Variants in DRC11 observed in about 807,000 individuals in gnomAD.
DRC11 encodes IQ and AAA domain-containing protein 1.
chr2:236,378,518 C>CA, the DRC11 span, among the ~76,000 whole-genome samples: 3 of 151,746 alleles, frequency 2.0e-5, no homozygotes, highest in Non-Finnish European at 2.9e-5. Flanking sequence ...ACTAAAAATA[C>CA]AAAAAAATTA....
At chr2:236,325,778 T>A in the DRC11 span, among the ~76,000 whole-genome samples, 1 of 152,114 alleles carries the variant, frequency 6.6e-6, no homozygotes, top group Non-Finnish European at 1.5e-5. This position sits in a 1 kb window ranked among gnomAD's most constrained non-coding sequence, Gnocchi z 4.4. Flanking sequence ...AATTTTTGTA[T>A]TTTTAGTAGA....
the DRC11 span, among the ~76,000 whole-genome samples, chr2:236,493,176 T>C: frequency 1.3e-5 from 2 of 152,162 alleles, no homozygotes; most frequent in Non-Finnish European, 2.9e-5. Flanking sequence ...CTCCCCTTTA[T>C]AAAACCATCA....
chr2:236,443,552 A>T, the DRC11 span, among the ~76,000 whole-genome samples: 1 of 152,220 alleles, frequency 6.6e-6, no homozygotes, highest in East Asian at 1.9e-4. This position sits in a 1 kb window ranked among gnomAD's most constrained non-coding sequence, Gnocchi z 4.4. Flanking sequence ...GTCCCTGCAA[A>T]GGACATGATC....
the DRC11 span, among the ~76,000 whole-genome samples, chr2:236,343,138 C>T: frequency 1.3e-5 from 2 of 152,136 alleles, no homozygotes; most frequent in Non-Finnish European, 2.9e-5. This position sits in a 1 kb window ranked among gnomAD's most constrained non-coding sequence, Gnocchi z 6.6. Flanking sequence ...CCCTCCTCAG[C>T]GCGCCTCCTT....
the DRC11 span, among the ~76,000 whole-genome samples, chr2:236,316,350 A>T: frequency 6.6e-6 from 1 of 152,156 alleles, no homozygotes; most frequent in African/African-American, 2.4e-5. This position sits in a 1 kb window ranked among gnomAD's most constrained non-coding sequence, Gnocchi z 6.8. Flanking sequence ...TTTAGTAGAG[A>T]TAGGGTTTCA....
the DRC11 span, among the ~76,000 whole-genome samples, chr2:236,358,043 A>G: frequency 8.4e-6 from 1 of 119,174 alleles, no homozygotes; most frequent in Non-Finnish European, 1.6e-5. Context: ...TATATTTATA[A>G]TATATAGATA....
the DRC11 span, among the ~76,000 whole-genome samples, chr2:236,398,754 G>T: frequency 6.6e-6 from 1 of 152,166 alleles, no homozygotes; most frequent in South Asian, 2.1e-4. The surrounding 1 kb of genome is among the most constrained non-coding windows in gnomAD (Gnocchi z 6.2). Flanking sequence ...CAGAAAAATC[G>T]TGTGTCAGAA....
chr2:236,418,188 C>T, the DRC11 span, among the ~76,000 whole-genome samples: 4 of 152,224 alleles, frequency 2.6e-5, no homozygotes, highest in African/African-American at 9.6e-5. Context: ...TACACTCTCA[C>T]CAACAGTGTA....
chr2:236,404,921 G>A, the DRC11 span, among the ~76,000 whole-genome samples: 2 of 152,148 alleles, frequency 1.3e-5, no homozygotes, highest in Non-Finnish European at 2.9e-5. Context: ...CTGCTTCAGA[G>A]ACTGCACCTT....
chr2:236,433,888 G>A, the DRC11 span, among the ~76,000 whole-genome samples: 8 of 152,174 alleles, frequency 5.3e-5, no homozygotes, highest in African/African-American at 1.9e-4. Flanking sequence ...ACTGGGTTTT[G>A]AATTAAGAAA....
At chr2:236,432,488 T>G in the DRC11 span, among the ~76,000 whole-genome samples, 2 of 152,202 alleles carry the variant, frequency 1.3e-5, no homozygotes, top group African/African-American at 4.8e-5. Flanking sequence ...CTCTTATATG[T>G]GTGAGGTTGA....
the DRC11 span, among the ~76,000 whole-genome samples, chr2:236,375,810 A>T: frequency 6.6e-6 from 1 of 152,234 alleles, no homozygotes; most frequent in Non-Finnish European, 1.5e-5. The surrounding 1 kb of genome is among the most constrained non-coding windows in gnomAD (Gnocchi z 4.2). Context: ...AAAAGATTCC[A>T]CACTTCCTCA....
chr2:236,433,148 T>A, the DRC11 span, among the ~76,000 whole-genome samples: 4 of 152,170 alleles, frequency 2.6e-5, no homozygotes, highest in African/African-American at 7.2e-5. Context: ...AGTGGGCTCC[T>A]AAGAATATGT....
the DRC11 span, among the ~76,000 whole-genome samples, chr2:236,387,994 C>G: frequency 6.6e-6 from 1 of 152,148 alleles, no homozygotes; most frequent in African/African-American, 2.4e-5. Flanking sequence ...TTGGCCCCCA[C>G]TCTCTTCTCG....
At chr2:236,422,406 C>A in the DRC11 span, among the ~76,000 whole-genome samples, 1 of 151,902 alleles carries the variant, frequency 6.6e-6, no homozygotes, top group Non-Finnish European at 1.5e-5. Context: ...TCTTATACAC[C>A]AATAACAAAC....
chr2:236,383,053 C>T, the DRC11 span, among the ~76,000 whole-genome samples: 1 of 152,124 alleles, frequency 6.6e-6, no homozygotes, highest in East Asian at 1.9e-4. Flanking sequence ...TATTAGGTTT[C>T]CACTAATTTT....
At chr2:236,447,070 TC>T in the DRC11 span, among the ~76,000 whole-genome samples, 2 of 151,468 alleles carry the variant, frequency 1.3e-5, no homozygotes, top group Non-Finnish European at 2.9e-5. This position sits in a 1 kb window ranked among gnomAD's most constrained non-coding sequence, Gnocchi z 4.6. Context: ...GCTCCCAGCC[TC>T]CTCCAGTGAC....
the DRC11 span, chr2:236,488,188 ATTTCTGC>A: frequency 6.3e-7 from 1 of 1,578,398 alleles, no homozygotes; most frequent in Admixed American, 1.9e-5. Flanking sequence ...TTTACAGGGT[ATTTCTGC>A]AAAAAACAGT....
At chr2:236,446,115 T>C in the DRC11 span, among the ~76,000 whole-genome samples, 39,609 of 151,960 alleles carry the variant, frequency 0.26, 5,464 homozygotes, top group African/African-American at 0.33. This position sits in a 1 kb window ranked among gnomAD's most constrained non-coding sequence, Gnocchi z 6.2. Flanking sequence ...TCTCCCTCCC[T>C]CGATTTTCAG....
Sources: gnomAD v4.1 joint callset for allele counts (sites outside exome capture counted in the v4.1 genomes callset) on GRCh38, gnomAD v4.1.1 for gene constraint, Gnocchi (gnomAD v3.1) non-coding constraint, MANE v1.5 for transcripts, NCBI Gene and HGNC (gene_info 2026-07-23, HGNC 2026-07-21) for gene names.